The following TSPAN18 variants were observed in gnomAD, a reference collection of about 807,000 sequenced individuals.
The protein encoded by TSPAN18 is tetraspanin 18.
TSPAN18 carries 14 observed loss-of-function variants against 27.3 expected under a neutral mutation model. The ratio of observed to expected loss-of-function variants is 0.51; its 90% CI spans 0.34 to 0.80. TSPAN18 has a LOEUF of 0.80. TSPAN18 is among the 30% of genes least tolerant of loss of function. The pLI is 0.01. For missense variants in TSPAN18, 268 were observed against 323.9 expected, an observed-to-expected ratio of 0.83 and a Z score of 1.32; for synonymous variants, 143 against 136.5, an observed-to-expected ratio of 1.05 and a Z score of -0.33.
chr11:44,755,513 T>C (rs1353600304), intron 1 of TSPAN18, among the ~76,000 whole-genome samples: 3 of 151,860 alleles, frequency 2.0e-5, no homozygotes, highest in Admixed American at 6.6e-5. Flanking sequence ...GGTGGCTTCA[T>C]TAAGGGCTGC....
intron 2 of TSPAN18, among the ~76,000 whole-genome samples, chr11:44,827,956 G>GC (rs1857078759): frequency 6.6e-6 from 1 of 152,188 alleles, no homozygotes; most frequent in South Asian, 2.1e-4. Flanking sequence ...AGGAAAGCAG[G>GC]CTGTAGACTC....
chr11:44,804,366 C>T (rs1856547196), intron 2 of TSPAN18, among the ~76,000 whole-genome samples: 1 of 152,244 alleles, frequency 6.6e-6, no homozygotes, highest in Non-Finnish European at 1.5e-5. Flanking sequence ...GCTGGGATTA[C>T]AGGCGTAAGC....
chr11:44,732,235 T>C (rs1025259945), intron 1 of TSPAN18, among the ~76,000 whole-genome samples: 4 of 152,220 alleles, frequency 2.6e-5, no homozygotes, highest in Non-Finnish European at 5.9e-5. Context: ...AGGCTGCTGC[T>C]CTGAGATATC....
intron 1 of TSPAN18, among the ~76,000 whole-genome samples, chr11:44,760,770 G>C (rs985767759): frequency 1.3e-5 from 2 of 152,166 alleles, no homozygotes; most frequent in Non-Finnish European, 2.9e-5. Flanking sequence ...CACCTATTAA[G>C]CTCTGGTATT....
Position 44,805,034 on chromosome 11 carries a change from C to T in TSPAN18, c.-153+40522C>T, listed in dbSNP as rs532945706. 3.9e-5 allele frequency among the ~76,000 whole-genome samples: 6 copies of T among 152,278 alleles called. No homozygotes were observed. In the East Asian group the frequency reaches 7.7e-4, roughly 20 times the overall value. ...CGGCTGTTAGCAGGGCAGCTGTGGC[C>T]GCCCTTGGTTGGGGGAATCAGGAGT... On this transcript the variant is annotated intron_variant, in intron 2 of 9. Coordinates refer to ENST00000520358, the MANE Select transcript of TSPAN18 (RefSeq NM_130783.5).
At chr11:44,904,145 G>A (rs1859370329) in intron 3 of TSPAN18, among the ~76,000 whole-genome samples, 1 of 152,142 alleles carries the variant, frequency 6.6e-6, no homozygotes, top group South Asian at 2.1e-4. Context: ...TTCACCCCAT[G>A]ATTTTTTCCC....
At chr11:44,889,506 G>A (rs1011515935) in intron 3 of TSPAN18, among the ~76,000 whole-genome samples, 1 of 152,254 alleles carries the variant, frequency 6.6e-6, no homozygotes, top group African/African-American at 2.4e-5. Flanking sequence ...TCCAGACACA[G>A]GCTGGCTGGC....
Position 44,929,217 on chromosome 11 carries a change from C to G in TSPAN18, c.*39C>G. ...AAGCCTGAAGACTCGCCCCACCCACCACTGCCCAGCACCCAGTGTCCTCCC... is the reference window on the plus strand; with the variant it reads ...AAGCCTGAAGACTCGCCCCACCCACGACTGCCCAGCACCCAGTGTCCTCCC... On this transcript the variant is annotated 3_prime_UTR_variant, in exon 10 of 10. Transcript: ENST00000520358. 3 of 1,612,684 alleles carry G rather than the reference C, an allele frequency of 1.9e-6. No homozygotes were observed. The highest frequency in any genetic ancestry group is 1.1e-5 in the South Asian group (1 of 91,076).
chr11:44,800,554 T>A (rs1046161238), intron 2 of TSPAN18, among the ~76,000 whole-genome samples: 1 of 152,192 alleles, frequency 6.6e-6, no homozygotes, highest in African/African-American at 2.4e-5. Context: ...GAAGTTCCCC[T>A]TCCATAGGGC....
chr11:44,827,741 G>A (rs1437033283), intron 2 of TSPAN18, among the ~76,000 whole-genome samples: 1 of 152,214 alleles, frequency 6.6e-6, no homozygotes. Context: ...AGCTCAGTGT[G>A]CATTTGCGAG....
chr11:44,854,232 G>A (rs1303110367), intron 2 of TSPAN18, among the ~76,000 whole-genome samples: 1 of 151,614 alleles, frequency 6.6e-6, no homozygotes. Context: ...TGTGATGTGG[G>A]TGTGTTTGAC....
rs528611794 is a variant in TSPAN18, at chr11:44,931,341, A to AAAC, written c.*2166_*2168dup. 1.1e-3 allele frequency: 201 copies of AAAC among 184,210 alleles called. 1 individual carries two copies. The highest frequency in any genetic ancestry group is 4.7e-3 in the African/African-American group (199 of 42,222). 11.4% of individuals were successfully genotyped at this position (184,210 alleles called of 1,614,324 possible). A position where few individuals can be genotyped will look rare whatever the true frequency, so the allele number is the denominator to read the frequency against. On this transcript the variant is annotated 3_prime_UTR_variant, in exon 10 of 10. Transcript: ENST00000520358. Reference sequence around the variant, plus strand: ...GATGACACACAAAAACAAAAACAAAAAACAAAAAACCCATGCTGGGCAGGA... The same window carrying AAAC: ...GATGACACACAAAAACAAAAACAAAAAACAACAAAAAACCCATGCTGGGCAGGA...
intron 1 of TSPAN18, among the ~76,000 whole-genome samples, chr11:44,754,747 G>A (rs181434907): frequency 3.3e-5 from 5 of 152,346 alleles, no homozygotes; most frequent in Admixed American, 2.0e-4. Context: ...TGAGCTGTGC[G>A]GTGTAGGAGA....
Position 44,900,179 on chromosome 11 carries a change from A to G in TSPAN18, c.-10-6228A>G, listed in dbSNP as rs202224748. On this transcript the variant is annotated intron_variant, in intron 3 of 9. Transcript: ENST00000520358. ...CTCTAGTCTGACCAATTGGCTGTGG[A>G]GGTGTGTCCCCACATTCAGTAGGCC... is the stretch of plus-strand genomic sequence containing the variant. 1.8e-4 allele frequency among the ~76,000 whole-genome samples: 28 copies of G among 152,274 alleles called. No homozygotes were observed. In the East Asian group the frequency reaches 5.2e-3, roughly 28 times the overall value.
chr11:44,807,527 CA>C (rs59241339), intron 2 of TSPAN18, among the ~76,000 whole-genome samples: 2,100 of 64,474 alleles, frequency 0.033, 39 homozygotes, highest in East Asian at 0.16. Flanking sequence ...AACTCCATCT[CA>C]AAAAAAAAAA....
chr11:44,805,732 C>T (rs1330833367), intron 2 of TSPAN18, among the ~76,000 whole-genome samples: 2 of 152,184 alleles, frequency 1.3e-5, no homozygotes, highest in East Asian at 1.9e-4. Flanking sequence ...CTGGCAGGGT[C>T]GTGCTCCCTC....
chr11:44,833,052 C>T (rs1043430756), intron 2 of TSPAN18, among the ~76,000 whole-genome samples: 7 of 151,992 alleles, frequency 4.6e-5, no homozygotes, highest in African/African-American at 7.2e-5. Context: ...AAGACACCTC[C>T]TCCAGGAGCC....
chr11:44,883,381 C>T (rs760332119), intron 3 of TSPAN18, among the ~76,000 whole-genome samples: 52 of 152,240 alleles, frequency 3.4e-4, no homozygotes, highest in Non-Finnish European at 4.0e-4. Flanking sequence ...AACCATGGCA[C>T]AGTGGCCCTC....
At chr11:44,908,753 A>AAAG in intron 4 of TSPAN18, among the ~76,000 whole-genome samples, 2 of 68,080 alleles carry the variant, frequency 2.9e-5, no homozygotes, top group Admixed American at 1.9e-4. Flanking sequence ...AAAGAGAGAG[A>AAAG]GAGAGAGAGA....
Sources: gnomAD v4.1 joint callset for allele counts (sites outside exome capture counted in the v4.1 genomes callset) on GRCh38, gnomAD v4.1.1 for gene constraint, MANE v1.5 for transcripts, NCBI Gene and HGNC (gene_info 2026-07-23, HGNC 2026-07-21) for gene names.